The following WDR91 variants were observed in gnomAD, a reference collection of about 807,000 sequenced individuals.
The protein encoded by WDR91 is WD repeat domain 91, also known as WD repeat-containing protein 91.
WDR91 carries 52 observed loss-of-function variants against 88.4 expected under a neutral mutation model. That is an observed-to-expected ratio of 0.59 (90% confidence interval 0.47 to 0.74). The LOEUF (loss-of-function observed/expected upper bound fraction) is 0.74, where lower values mean the gene tolerates loss of function less well. Among genes scored for constraint, WDR91 ranks in the 30% least tolerant of loss-of-function variants. The pLI, the probability that WDR91 is intolerant of heterozygous loss-of-function variation, is 0.00. For missense variants in WDR91, 824 were observed against 954.5 expected, an observed-to-expected ratio of 0.86 and a Z score of 1.80; for synonymous variants, 362 against 389.5, an observed-to-expected ratio of 0.93 and a Z score of 0.83.
In WDR91 at chr7:135,188,502, G is replaced by A. The variant is rs964009894; in HGVS notation, c.1812C>T (p.Tyr604=). 6.8e-6 allele frequency: 11 copies of A among 1,613,830 alleles called. No individual in the cohort carries two copies. Among genetic ancestry groups the A allele is most frequent in the South Asian group, 3.3e-5 (3 of 91,088 alleles). The change falls in exon 13 of 15, where the codon TAC becomes TAT. Residue 604 remains tyrosine (Y), a synonymous_variant. Coordinates refer to ENST00000354475, the MANE Select transcript of WDR91 (RefSeq NM_014149.4). The part of the protein sequence containing the change: ...HECAMSWRAH[Y]GEVYSVEFSY... ...TGAACTCCACAGAGTAGACCTCCCC[G>A]TAGTGGGCCCTCCAGCTCATCGCGC...
In WDR91 at chr7:135,211,510, C is replaced by A. The variant is rs375566113; in HGVS notation, c.-8G>T. On this transcript the variant is annotated 5_prime_UTR_variant, in exon 1 of 15. Transcript: ENST00000354475. Reference sequence around the variant, plus strand: ...CTCCACGGCCTCCGCCATCGCAGCGCTAGCGTCTTTAGGGGTGGTGCGGTG... The same window carrying A: ...CTCCACGGCCTCCGCCATCGCAGCGATAGCGTCTTTAGGGGTGGTGCGGTG... 20 of 1,609,238 alleles carry A rather than the reference C, an allele frequency of 1.2e-5. No individual in the cohort carries two copies. The highest frequency in any genetic ancestry group is 3.3e-5 in the South Asian group (3 of 90,862).
At position 135,185,470 on chromosome 7, in the gene WDR91, C is replaced by G. The variant is rs1830902035; in HGVS notation, c.*681G>C. On this transcript the variant is annotated 3_prime_UTR_variant, in exon 15 of 15. Transcript: ENST00000354475. ...AGCCTGTCTTGGGAAACAGCAGCCACTGGATGGAAAGGGGCAGCCAGTAGC... is the reference window on the plus strand; with the variant it reads ...AGCCTGTCTTGGGAAACAGCAGCCAGTGGATGGAAAGGGGCAGCCAGTAGC... The G allele has an allele frequency of 6.6e-6, 1 of 152,232 alleles. No individual in the cohort carries two copies. Among genetic ancestry groups the G allele is most frequent in the South Asian group, 2.1e-4 (1 of 4,836 alleles). 9.4% of individuals were successfully genotyped at this position (152,232 alleles called of 1,614,324 possible).
rs1233123039 is a variant in WDR91 at position 135,196,458 on chromosome 7, G to A, written c.1051-121C>T. 3.1e-6 allele frequency: 3 copies of A among 971,300 alleles called. No individual in the cohort carries two copies. The highest frequency in any genetic ancestry group is 3.2e-5 in the Admixed American group (1 of 31,436). 60.2% of individuals were successfully genotyped at this position (971,300 alleles called of 1,614,324 possible). On this transcript the variant is annotated intron_variant, in intron 7 of 14. Transcript: ENST00000354475. The surrounding 1 kb of genome is among the most constrained non-coding windows in gnomAD (Gnocchi z 4.2). ...GCGGGGTTCTCGGTAATTACAGAGT[G>A]GAGAGGAGAGCTCTGACCTGCGAGG...
At chr7:135,187,227 A>C in intron 13 of WDR91, 58 bp from the exon 14 acceptor site, 4 of 1,584,832 alleles carry the variant, frequency 2.5e-6, no homozygotes, top group African/African-American at 1.3e-5. Flanking sequence ...TGCAGGCCTC[A>C]AGGAAGAGCC....
intron 1 of WDR91, chr7:135,210,926 G>A: frequency 5.7e-6 from 4 of 703,610 alleles, no homozygotes; most frequent in South Asian, 1.5e-5. Context: ...AATTGCCGAT[G>A]AGTCCCTGAC....
intron 11 of WDR91, among the ~76,000 whole-genome samples, chr7:135,189,865 A>T (rs1431408470): frequency 6.6e-6 from 1 of 152,236 alleles, no homozygotes; most frequent in Non-Finnish European, 1.5e-5. Context: ...CCCCACAGAA[A>T]CACTCAGAAA....
At chr7:135,207,456 G>A in intron 3 of WDR91, 1 of 486,168 alleles carries the variant, frequency 2.1e-6, no homozygotes, top group Non-Finnish European at 4.1e-6. Context: ...GCCCACAGAG[G>A]GGACATAAAT....
Position 135,189,333 on chromosome 7 carries a change from C to A in WDR91, c.1768+11G>T. The stretch of plus-strand genomic sequence containing the variant: ...AGGAGATCAAGGATTGCTATGAGCA[C>A]ACTTGCATACCAAACAGCCGGATGA... On this transcript the variant is annotated intron_variant, in intron 12 of 14. Transcript: ENST00000354475. The A allele has an allele frequency of 6.2e-7, 1 of 1,610,616 alleles. No homozygotes were observed. Among genetic ancestry groups the A allele is most frequent in the Non-Finnish European group, 8.5e-7 (1 of 1,177,504 alleles).
At chr7:135,209,048 G>A in intron 2 of WDR91, 50 bp from the exon 3 acceptor site, 1 of 1,541,268 alleles carries the variant, frequency 6.5e-7, no homozygotes, top group Non-Finnish European at 8.9e-7. Context: ...CAGAAATCCA[G>A]AGGTAAGACT....
chr7:135,193,852 T>A (rs1831266828), intron 9 of WDR91, 180 bp from the exon 10 acceptor site: 4 of 595,156 alleles, frequency 6.7e-6, no homozygotes, highest in Non-Finnish European at 9.0e-6. Flanking sequence ...AACAAAGACG[T>A]GAGAGCTGAC....
intron 11 of WDR91, among the ~76,000 whole-genome samples, chr7:135,190,357 C>T (rs894031741): frequency 1.3e-5 from 2 of 151,950 alleles, no homozygotes; most frequent in African/African-American, 4.8e-5. Flanking sequence ...AATTCATAAC[C>T]ACAAACTAGC....
At chr7:135,198,222 G>C in intron 6 of WDR91, 71 bp from the exon 7 acceptor site, 2 of 1,543,076 alleles carry the variant, frequency 1.3e-6, no homozygotes, top group South Asian at 2.3e-5. Flanking sequence ...GCCAGGAGTG[G>C]TCAGCCCTGG....
In WDR91 at chr7:135,196,278, G is replaced by C. The variant is rs1267091458; in HGVS notation, c.1110C>G (p.His370Gln). 4 of 1,610,134 alleles carry C rather than the reference G, an allele frequency of 2.5e-6. No homozygotes were observed. The highest frequency in any genetic ancestry group is 3.4e-6 in the Non-Finnish European group (4 of 1,178,038). The change falls in exon 8 of 15, where the codon CAC (histidine) becomes CAG (glutamine). Residue 370 changes from histidine to glutamine, a missense_variant. By Grantham distance (24) the His-to-Gln change is conservative. Coordinates refer to ENST00000354475, the MANE Select transcript of WDR91 (RefSeq NM_014149.4). The surrounding 1 kb of genome is among the most constrained non-coding windows in gnomAD (Gnocchi z 4.2). Reference protein sequence around the residue: ...GPEAEPCPELHTEPVEPLTRA... With the variant: ...GPEAEPCPELQTEPVEPLTRA... ...GAGTCAGTGGCTCCACTGGCTCCGT[G>C]TGGAGCTCTGGGCAGGGCTCAGCCT...
chr7:135,210,608 G>A (rs1170096165), intron 1 of WDR91, among the ~76,000 whole-genome samples: 8 of 152,178 alleles, frequency 5.3e-5, no homozygotes. Context: ...CTGGAAAAGG[G>A]TTTGGATATC....
chr7:135,206,366 C>A (rs975924401), intron 4 of WDR91, among the ~76,000 whole-genome samples: 4 of 151,666 alleles, frequency 2.6e-5, no homozygotes, highest in African/African-American at 9.7e-5. Flanking sequence ...TTTTTAGAAT[C>A]TACAAAATCA....
intron 6 of WDR91, among the ~76,000 whole-genome samples, chr7:135,201,727 C>T (rs1029324848): frequency 2.6e-5 from 4 of 152,142 alleles, no homozygotes; most frequent in African/African-American, 2.4e-5. Flanking sequence ...AGATGACATG[C>T]TTAATATGCA....
intron 9 of WDR91, among the ~76,000 whole-genome samples, chr7:135,194,236 C>G (rs1214779140): frequency 6.6e-6 from 1 of 152,206 alleles, no homozygotes; most frequent in African/African-American, 2.4e-5. Context: ...GTGCCAGAAG[C>G]AGCCCAGGTC....
At chr7:135,206,129 A>T in intron 4 of WDR91, 71 bp from the exon 5 acceptor site, 1 of 1,601,860 alleles carries the variant, frequency 6.2e-7, no homozygotes, top group Non-Finnish European at 8.5e-7. Flanking sequence ...AGATTTCTAG[A>T]CACATCGCAT....
chr7:135,193,330 A>G lies in WDR91; in HGVS notation c.1560T>C (p.Thr520=). 1 of 1,614,204 alleles carries G rather than the reference A, an allele frequency of 6.2e-7. No homozygotes were observed. Among genetic ancestry groups the G allele is most frequent in the Non-Finnish European group, 8.5e-7 (1 of 1,180,026 alleles). Residue 520 remains threonine, a synonymous_variant, in exon 11 of 15, where the codon ACT becomes ACC. Transcript: ENST00000354475. ...FVCSAAAPSL[T]SQVDFSAPDI... is the part of the protein sequence containing the mutation. Reference sequence around the variant, plus strand: ...CTGGTGCTGAGAAGTCCACCTGGGAAGTGAGGCTCGGAGCTGCTGCCGAAC... The same window carrying G: ...CTGGTGCTGAGAAGTCCACCTGGGAGGTGAGGCTCGGAGCTGCTGCCGAAC...
Sources: allele counts gnomAD v4.1 joint callset (sites outside exome capture counted in the v4.1 genomes callset), GRCh38; gene constraint gnomAD v4.1.1; non-coding constraint Gnocchi (gnomAD v3.1); transcripts MANE v1.5; gene names NCBI Gene and HGNC (gene_info 2026-07-23, HGNC 2026-07-21).